HVCN1: variants seen among roughly 807,000 people sequenced by gnomAD.
The protein encoded by HVCN1 is hydrogen voltage gated channel 1.
A neutral mutation model predicts 29.2 loss-of-function variants in HVCN1; 14 were observed. That is an observed-to-expected ratio of 0.48 (90% confidence interval 0.32 to 0.75). The LOEUF (loss-of-function observed/expected upper bound fraction) is 0.75, where lower values mean the gene tolerates loss of function less well. Ranked by LOEUF, HVCN1 falls within the 30% of genes least tolerant of loss-of-function variation. The probability of loss-of-function intolerance (pLI) is 0.04; values close to 1 mark genes in which losing one functional copy is unlikely to be tolerated. For missense variants in HVCN1, 263 were observed against 341.8 expected, an observed-to-expected ratio of 0.77 and a Z score of 1.82; for synonymous variants, 131 against 133.2, an observed-to-expected ratio of 0.98 and a Z score of 0.11.
At chr12:110,659,514 A>G (rs1402824848) in intron 4 of HVCN1, among the ~76,000 whole-genome samples, 3 of 152,148 alleles carry the variant, frequency 2.0e-5, no homozygotes, top group Non-Finnish European at 4.4e-5. Flanking sequence ...CCCTCCCAGG[A>G]CTTGAATGTG....
intron 5 of HVCN1, among the ~76,000 whole-genome samples, chr12:110,651,859 C>G (rs1046425105): frequency 1.3e-5 from 2 of 152,190 alleles, no homozygotes; most frequent in Admixed American, 6.5e-5. Flanking sequence ...CCATATGGGG[C>G]CCTAAGGACA....
chr12:110,688,872 C>G (rs1314022351), intron 1 of HVCN1, among the ~76,000 whole-genome samples, 164 bp from the exon 2 acceptor site: 2 of 152,198 alleles, frequency 1.3e-5, no homozygotes. Context: ...CAGTCCCTGC[C>G]GAGGGGAAGC....
chr12:110,657,508 G>GAAAAAAAAAAAAAA (rs529473919), intron 4 of HVCN1, among the ~76,000 whole-genome samples: 1 of 87,146 alleles, frequency 1.1e-5, no homozygotes. Flanking sequence ...AAAGAAAAAA[G>GAAAAAAAAAAAAAA]AAAAAAAAAA....
At chr12:110,679,468 G>A (rs1452206332) in intron 3 of HVCN1, among the ~76,000 whole-genome samples, 2 of 152,192 alleles carry the variant, frequency 1.3e-5, no homozygotes, top group Non-Finnish European at 2.9e-5. Context: ...GCAGGCTCGA[G>A]CCAGGCACCC....
intron 1 of HVCN1, among the ~76,000 whole-genome samples, chr12:110,704,145 T>C (rs1264267732): frequency 6.6e-6 from 1 of 152,156 alleles, no homozygotes; most frequent in Non-Finnish European, 1.5e-5. Flanking sequence ...CCCTCTGGCA[T>C]GATTTATAGT....
chr12:110,660,362 G>A (rs2068128019), intron 4 of HVCN1, among the ~76,000 whole-genome samples: 1 of 152,188 alleles, frequency 6.6e-6, no homozygotes. Flanking sequence ...CTTTCTCCCT[G>A]CAACCACACC....
chr12:110,687,084 A>G (rs541037940), intron 2 of HVCN1, among the ~76,000 whole-genome samples: 25 of 152,096 alleles, frequency 1.6e-4, no homozygotes, highest in Non-Finnish European at 3.1e-4. Flanking sequence ...TGGCTGACAC[A>G]TTGCCTGCAA....
At chr12:110,670,918 G>A (rs1050669378) in intron 3 of HVCN1, among the ~76,000 whole-genome samples, 4 of 152,194 alleles carry the variant, frequency 2.6e-5, no homozygotes, top group Non-Finnish European at 2.9e-5. Flanking sequence ...GGGGCCAGGC[G>A]CGGTAGCTCA....
chr12:110,653,828 A>G (rs1402458924), intron 5 of HVCN1, among the ~76,000 whole-genome samples: 3 of 152,110 alleles, frequency 2.0e-5, no homozygotes, highest in African/African-American at 7.2e-5. Flanking sequence ...GGCGATAGAG[A>G]CTGTCTCAAA....
chr12:110,652,622 A>C (rs558952511), intron 5 of HVCN1, among the ~76,000 whole-genome samples: 2 of 152,342 alleles, frequency 1.3e-5, no homozygotes, highest in Admixed American at 6.5e-5. Context: ...ATTGTAACAC[A>C]GTGAATAAAA....
At chr12:110,684,515 C>T (rs928297391) in intron 2 of HVCN1, among the ~76,000 whole-genome samples, 9 of 152,186 alleles carry the variant, frequency 5.9e-5, no homozygotes, top group East Asian at 1.9e-4. Context: ...CGTGGAAAGA[C>T]GCCAGCCACA....
At chr12:110,701,153 G>T (rs919582317) in intron 2 of HVCN1, among the ~76,000 whole-genome samples, 1 of 152,158 alleles carries the variant, frequency 6.6e-6, no homozygotes, top group African/African-American at 2.4e-5. Context: ...CATGTTAGTT[G>T]TACAAGCCAG....
intron 3 of HVCN1, among the ~76,000 whole-genome samples, chr12:110,677,338 T>G (rs2068782294): frequency 6.6e-6 from 1 of 152,198 alleles, no homozygotes; most frequent in South Asian, 2.1e-4. Flanking sequence ...GAGCCTTTCA[T>G]ACTTGGCTGG....
At chr12:110,685,357 A>G (rs1191871700) in intron 2 of HVCN1, among the ~76,000 whole-genome samples, 1 of 152,224 alleles carries the variant, frequency 6.6e-6, no homozygotes, top group Non-Finnish European at 1.5e-5. Flanking sequence ...TGCAGCAGCA[A>G]CACAGCCCTG....
chr12:110,696,468 C>T (rs549411180), intron 2 of HVCN1, among the ~76,000 whole-genome samples: 1 of 152,028 alleles, frequency 6.6e-6, no homozygotes, highest in African/African-American at 2.4e-5. Context: ...GAATCCCAAT[C>T]ACTTTGGAGG....
intron 2 of HVCN1, among the ~76,000 whole-genome samples, chr12:110,686,248 G>A (rs939551886): frequency 5.9e-5 from 9 of 151,888 alleles, no homozygotes; most frequent in African/African-American, 1.5e-4. Context: ...CAAGTGATCC[G>A]TTGCCTCAGC....
At chr12:110,699,813 C>T (rs1010161011) in intron 2 of HVCN1, among the ~76,000 whole-genome samples, 2 of 152,112 alleles carry the variant, frequency 1.3e-5, no homozygotes, top group Non-Finnish European at 1.5e-5. Context: ...TTATGTTCTG[C>T]GCAGTAGAAA....
exon 1 of HVCN1, chr12:110,704,894 G>C (rs1307178596): frequency 1.3e-5 from 2 of 152,236 alleles, no homozygotes; most frequent in African/African-American, 2.4e-5. Context: ...CCCCGATGCA[G>C]TGGGCACTTC....
At chr12:110,695,038 G>A (rs2069467519) in intron 2 of HVCN1, among the ~76,000 whole-genome samples, 1 of 152,180 alleles carries the variant, frequency 6.6e-6, no homozygotes, top group African/African-American at 2.4e-5. Flanking sequence ...AGACAGGCAG[G>A]TCCTGCCTGC....
Sources: allele counts gnomAD v4.1 joint callset (sites outside exome capture counted in the v4.1 genomes callset), GRCh38; gene constraint gnomAD v4.1.1; transcripts MANE v1.5; gene names NCBI Gene and HGNC (gene_info 2026-07-23, HGNC 2026-07-21).